Variants in SGCZ observed in about 807,000 individuals in gnomAD.
SGCZ encodes the protein sarcoglycan zeta, also known as zeta-sarcoglycan.
A neutral mutation model predicts 41.3 loss-of-function variants in SGCZ; 40 were observed. The ratio of observed to expected loss-of-function variants is 0.97; its 90% confidence interval spans 0.75 to 1.26. The LOEUF (loss-of-function observed/expected upper bound fraction) is 1.26. Ranked by LOEUF, SGCZ falls within the 50% of genes most tolerant of loss-of-function variation. SGCZ has a pLI of 0.00. For synonymous variants in SGCZ, 206 were observed against 137.5 expected, an observed-to-expected ratio of 1.50 and a Z score of -3.49; for missense variants, 552 against 369.8, an observed-to-expected ratio of 1.49 and a Z score of -4.04.
intron 1 of SGCZ, among the ~76,000 whole-genome samples, chr8:15,185,427 A>G (rs751519530): frequency 3.9e-5 from 6 of 152,236 alleles, no homozygotes; most frequent in Non-Finnish European, 7.3e-5. Context: ...TGAAGTTTTA[A>G]GTACTCACTG....
chr8:14,325,900 C>T (rs936397097), intron 2 of SGCZ, among the ~76,000 whole-genome samples: 2 of 147,142 alleles, frequency 1.4e-5, no homozygotes, highest in African/African-American at 2.5e-5. Flanking sequence ...ATCACGACGT[C>T]AGGAGATCAA....
intron 1 of SGCZ, among the ~76,000 whole-genome samples, chr8:15,071,578 C>T (rs1805351502): frequency 6.6e-6 from 1 of 152,194 alleles, no homozygotes; most frequent in Non-Finnish European, 1.5e-5. Context: ...AAGGACTATG[C>T]AACCATTCTC....
At chr8:14,599,648 C>T (rs573300505) in intron 1 of SGCZ, among the ~76,000 whole-genome samples, 25 of 152,266 alleles carry the variant, frequency 1.6e-4, no homozygotes, top group Middle Eastern at 3.4e-3. Context: ...AATCTGAAGA[C>T]GCATATTCAT....
At chr8:14,188,376 G>A (rs1256495648) in intron 4 of SGCZ, among the ~76,000 whole-genome samples, 1 of 152,176 alleles carries the variant, frequency 6.6e-6, no homozygotes, top group African/African-American at 2.4e-5. Flanking sequence ...AGAAAGGAAT[G>A]GAGCAGTGAT....
At chr8:15,021,666 T>C (rs1490319554) in intron 1 of SGCZ, among the ~76,000 whole-genome samples, 1 of 152,050 alleles carries the variant, frequency 6.6e-6, no homozygotes, top group African/African-American at 2.4e-5. Context: ...AATCCACATA[T>C]GGTTTCTCAC....
At chr8:14,351,052 T>C (rs1803073294) in intron 2 of SGCZ, among the ~76,000 whole-genome samples, 1 of 152,120 alleles carries the variant, frequency 6.6e-6, no homozygotes, top group Non-Finnish European at 1.5e-5. Context: ...TTAACACTTC[T>C]GCAATACTTC....
intron 2 of SGCZ, among the ~76,000 whole-genome samples, chr8:14,376,081 A>G (rs1030264477): frequency 6.6e-6 from 1 of 152,174 alleles, no homozygotes. Flanking sequence ...TGGGAGGCCG[A>G]GGCGGGTGGA....
chr8:14,913,617 A>C (rs1273830665), intron 1 of SGCZ, among the ~76,000 whole-genome samples: 1 of 152,106 alleles, frequency 6.6e-6, no homozygotes, highest in Non-Finnish European at 1.5e-5. Flanking sequence ...TTCTTCTACC[A>C]TAATATACAT....
At chr8:14,149,668 A>AAAAC (rs1554467838) in intron 5 of SGCZ, among the ~76,000 whole-genome samples, 1 of 151,394 alleles carries the variant, frequency 6.6e-6, no homozygotes, top group Non-Finnish European at 1.5e-5. Context: ...AAAAAAAAAA[A>AAAAC]AACACAATCC....
At chr8:15,002,672 C>A (rs1802468763) in intron 1 of SGCZ, among the ~76,000 whole-genome samples, 1 of 152,182 alleles carries the variant, frequency 6.6e-6, no homozygotes, top group Non-Finnish European at 1.5e-5. Context: ...GGGGGGAAAT[C>A]TTTAGTTTCC....
rs1444473670 is a variant in SGCZ at position 14,360,984 on chromosome 8, G to A, written c.235-36780C>T. ...CCACTATATTTTATATTAGCATTCTGATACCTGTGCAGTGATATCTCATAG... is the reference window on the plus strand; with the variant it reads ...CCACTATATTTTATATTAGCATTCTAATACCTGTGCAGTGATATCTCATAG... On this transcript the variant is annotated intron_variant, in intron 2 of 7. Coordinates refer to ENST00000382080, the MANE Select transcript of SGCZ (RefSeq NM_139167.4). 4.6e-5 allele frequency among the ~76,000 whole-genome samples: 7 copies of A among 152,126 alleles called. No individual in the cohort carries two copies. The East Asian group carries it at 1.2e-3, about 25-fold the overall frequency.
intron 1 of SGCZ, among the ~76,000 whole-genome samples, chr8:14,741,850 G>A (rs768313947): frequency 3.3e-5 from 5 of 151,970 alleles, no homozygotes; most frequent in Non-Finnish European, 5.9e-5. Flanking sequence ...AAGTAGAACA[G>A]TATCAATATC....
chr8:15,170,233 C>T (rs569275340), intron 1 of SGCZ, among the ~76,000 whole-genome samples: 3 of 152,138 alleles, frequency 2.0e-5, no homozygotes, highest in African/African-American at 7.2e-5. Flanking sequence ...AGTTTCCTGG[C>T]CACCTTGACT....
Position 14,571,169 on chromosome 8 carries a change from C to T in SGCZ, c.40-16243G>A, listed in dbSNP as rs535395443. 3.6e-4 allele frequency among the ~76,000 whole-genome samples: 55 copies of T among 151,950 alleles called. 1 individual carries two copies. The highest frequency in any genetic ancestry group is 1.3e-3 in the African/African-American group (52 of 41,446). On this transcript the variant is annotated intron_variant, in intron 1 of 7. Coordinates refer to ENST00000382080, the MANE Select transcript of SGCZ (RefSeq NM_139167.4). Reference sequence around the variant, plus strand: ...AGCAAGTACCTTGTCTGCAAGGTGGCGGGAAAGGGAGATAGCAGGGGAAAC... The same window carrying T: ...AGCAAGTACCTTGTCTGCAAGGTGGTGGGAAAGGGAGATAGCAGGGGAAAC...
In SGCZ at chr8:14,764,917, G is replaced by A. The variant is rs148575643; in HGVS notation, c.40-209991C>T. On this transcript the variant is annotated intron_variant, in intron 1 of 7. Coordinates refer to ENST00000382080, the MANE Select transcript of SGCZ (RefSeq NM_139167.4). ...GTTTACATCTTACTTTTAAATGGTT[G>A]AACAACAGCAAATGAGTCCAAATGT... Among the ~76,000 whole-genome samples the A allele has an allele frequency of 2.6e-5, 4 of 152,246 alleles. No individual in the cohort carries two copies. The South Asian group carries it at 6.2e-4, about 24-fold the overall frequency.
chr8:14,655,044 T>C (rs1807520978), intron 1 of SGCZ, among the ~76,000 whole-genome samples: 1 of 152,092 alleles, frequency 6.6e-6, no homozygotes, highest in Non-Finnish European at 1.5e-5. Flanking sequence ...CCTTACATTT[T>C]TTTCCCCAGA....
chr8:14,201,316 T>G (rs558204361), intron 4 of SGCZ, among the ~76,000 whole-genome samples: 2 of 152,172 alleles, frequency 1.3e-5, no homozygotes, highest in Non-Finnish European at 2.9e-5. Context: ...AAAAAGCCTG[T>G]ATGCATAAGC....
intron 1 of SGCZ, among the ~76,000 whole-genome samples, chr8:15,032,746 C>T (rs958143866): frequency 4.6e-5 from 7 of 152,126 alleles, no homozygotes; most frequent in Admixed American, 2.6e-4. Context: ...CTTTGGCCCC[C>T]ACAGCCCCAG....
chr8:14,989,223 G>A (rs1050953993), intron 1 of SGCZ, among the ~76,000 whole-genome samples: 1 of 152,188 alleles, frequency 6.6e-6, no homozygotes, highest in Non-Finnish European at 1.5e-5. Context: ...TCAAAATGGT[G>A]TCTGAGAGGT....
Sources: allele counts gnomAD v4.1 joint callset (sites outside exome capture counted in the v4.1 genomes callset), GRCh38; gene constraint gnomAD v4.1.1; transcripts MANE v1.5; gene names NCBI Gene and HGNC (gene_info 2026-07-23, HGNC 2026-07-21).